The following GRIN2B variants were observed in gnomAD, a reference collection of about 807,000 sequenced individuals.
GRIN2B encodes the protein glutamate receptor ionotropic, NMDA 2B.
Under a neutral mutation model 114.5 loss-of-function variants are expected in GRIN2B, and 5 were observed. The observed-to-expected ratio is 0.04, with a 90% CI of 0.02 to 0.09. GRIN2B has a LOEUF of 0.09. Among genes scored for constraint, GRIN2B ranks in the 10% least tolerant of loss-of-function variants. The pLI, the probability that GRIN2B is intolerant of heterozygous loss-of-function variation, is 1.00. For synonymous variants in GRIN2B, 787 were observed against 745.1 expected, an observed-to-expected ratio of 1.06 and a Z score of -0.92; for missense variants, 1,108 against 1,943.5, an observed-to-expected ratio of 0.57 and a Z score of 8.08.
At chr12:13,869,985 G>A (rs551493405) in intron 2 of GRIN2B, among the ~76,000 whole-genome samples, 33 of 152,280 alleles carry the variant, frequency 2.2e-4, no homozygotes, top group African/African-American at 7.5e-4. Context: ...AGATCCAAAG[G>A]ATATTACGTT....
intron 4 of GRIN2B, among the ~76,000 whole-genome samples, chr12:13,699,745 C>T (rs1033182718): frequency 2.0e-5 from 3 of 152,004 alleles, no homozygotes; most frequent in Admixed American, 6.5e-5. Flanking sequence ...TCTGCCACCA[C>T]ACCCAGCTAA....
At chr12:13,950,190 G>A (rs149723273) in intron 2 of GRIN2B, among the ~76,000 whole-genome samples, 1 of 152,276 alleles carries the variant, frequency 6.6e-6, no homozygotes, top group Non-Finnish European at 1.5e-5. Flanking sequence ...TCAAAATAGG[G>A]GACCACACAC....
Position 13,658,123 on chromosome 12 carries a change from C to T in GRIN2B, c.1125+17622G>A, listed in dbSNP as rs1305979703. Among the ~76,000 whole-genome samples the T allele has an allele frequency of 3.3e-5, 5 of 151,878 alleles. No homozygotes were observed. The East Asian group carries it at 9.7e-4, about 29-fold the overall frequency. On this transcript the variant is annotated intron_variant, in intron 5 of 13. Transcript: ENST00000609686. Reference sequence around the variant, plus strand: ...TCGGGAGGCTGAGGCAGGAGAATCACTTGAACCCGGGAGGCTGAGGTTGCG... The same window carrying T: ...TCGGGAGGCTGAGGCAGGAGAATCATTTGAACCCGGGAGGCTGAGGTTGCG...
Position 13,825,494 on chromosome 12 carries a change from T to TA in GRIN2B, c.411+40303_411+40304insT, listed in dbSNP as rs71448874. Among the ~76,000 whole-genome samples, 60 of 44,822 alleles carry TA rather than the reference T, an allele frequency of 1.3e-3. 1 individual carries two copies. The highest frequency in any genetic ancestry group is 3.6e-3 in the African/African-American group (53 of 14,866). 29.4% of individuals were successfully genotyped at this position (44,822 alleles called of 152,430 possible). A position where few individuals can be genotyped will look rare whatever the true frequency, so the allele number is the denominator to read the frequency against. ...TATATATATAATAAATATATATATA[T>TA]TTTGTGTGTGTGTGTGTGTGTGTGT... On this transcript the variant is annotated intron_variant, in intron 3 of 13. Coordinates refer to ENST00000609686, the MANE Select transcript of GRIN2B (RefSeq NM_000834.5).
intron 3 of GRIN2B, among the ~76,000 whole-genome samples, chr12:13,811,227 G>A (rs1278889886): frequency 6.6e-6 from 1 of 152,220 alleles, no homozygotes; most frequent in Non-Finnish European, 1.5e-5. Flanking sequence ...TCTGGTAAGG[G>A]TCAGGTGTTA....
At chr12:13,876,855 T>C (rs1414625847) in intron 2 of GRIN2B, among the ~76,000 whole-genome samples, 1 of 152,198 alleles carries the variant, frequency 6.6e-6, no homozygotes. Context: ...GCATGTGGCA[T>C]AATGGTAGGT....
intron 2 of GRIN2B, among the ~76,000 whole-genome samples, chr12:13,956,607 T>C (rs1214950536): frequency 2.0e-5 from 3 of 152,174 alleles, no homozygotes; most frequent in Non-Finnish European, 4.4e-5. Flanking sequence ...GGGTGCCCTG[T>C]GTGGGCTCAC....
intron 2 of GRIN2B, among the ~76,000 whole-genome samples, chr12:13,978,019 A>T (rs952381963): frequency 1.3e-5 from 2 of 152,096 alleles, no homozygotes; most frequent in African/African-American, 2.4e-5. Flanking sequence ...GGTAGCTGAG[A>T]TCCTGTCAAA....
chr12:13,974,236 T>C (rs554144503), intron 2 of GRIN2B, among the ~76,000 whole-genome samples: 1 of 152,212 alleles, frequency 6.6e-6, no homozygotes, highest in Non-Finnish European at 1.5e-5. Flanking sequence ...TGTCCCTTTC[T>C]TTGTAATGGC....
intron 3 of GRIN2B, among the ~76,000 whole-genome samples, chr12:13,831,199 G>A (rs1865138880): frequency 6.6e-6 from 1 of 152,182 alleles, no homozygotes; most frequent in Admixed American, 6.5e-5. Flanking sequence ...AGCAAATGAT[G>A]GCGCCATGCT....
chr12:13,832,615 T>G (rs1865171303), intron 3 of GRIN2B, among the ~76,000 whole-genome samples: 1 of 152,222 alleles, frequency 6.6e-6, no homozygotes, highest in African/African-American at 2.4e-5. Flanking sequence ...AGAAATGACA[T>G]TTTCCTATTT....
intron 3 of GRIN2B, among the ~76,000 whole-genome samples, chr12:13,794,038 C>CAAAAAAAA (rs59335663): frequency 4.6e-3 from 362 of 78,972 alleles, no homozygotes; most frequent in Non-Finnish European, 5.8e-3. Context: ...CCCATCTCTA[C>CAAAAAAAA]AAAAAAAAAA....
intron 5 of GRIN2B, among the ~76,000 whole-genome samples, chr12:13,642,241 A>G (rs906057787): frequency 1.1e-4 from 17 of 151,416 alleles, no homozygotes; most frequent in Non-Finnish European, 2.2e-4. Context: ...AACTAAACTA[A>G]ACTAAAATGT....
chr12:13,643,806 C>T (rs1473543405), intron 5 of GRIN2B, among the ~76,000 whole-genome samples: 1 of 152,114 alleles, frequency 6.6e-6, no homozygotes, highest in Non-Finnish European at 1.5e-5. Flanking sequence ...CAAGAAAACA[C>T]TTTCTTTGCT....
At chr12:13,647,201 GT>G (rs1949769383) in intron 5 of GRIN2B, among the ~76,000 whole-genome samples, 3 of 152,092 alleles carry the variant, frequency 2.0e-5, no homozygotes, top group Admixed American at 2.0e-4. Flanking sequence ...AGTATGTGCT[GT>G]TTAAGCCACT....
intron 5 of GRIN2B, among the ~76,000 whole-genome samples, chr12:13,665,352 A>G (rs771189890): frequency 6.6e-6 from 1 of 152,036 alleles, no homozygotes; most frequent in South Asian, 2.1e-4. Flanking sequence ...ACCAGCCTCC[A>G]CACCTCCAGC....
At chr12:13,885,304 C>CA (rs1241947688) in intron 2 of GRIN2B, among the ~76,000 whole-genome samples, 2 of 151,992 alleles carry the variant, frequency 1.3e-5, no homozygotes, top group Non-Finnish European at 2.9e-5. Context: ...TATTAAACCA[C>CA]AAAAAAGAGC....
intron 4 of GRIN2B, among the ~76,000 whole-genome samples, chr12:13,745,289 T>C (rs1176351184): frequency 6.6e-6 from 1 of 152,134 alleles, no homozygotes; most frequent in Non-Finnish European, 1.5e-5. Flanking sequence ...AGGCAGCCTT[T>C]ATCCTCTGGT....
intron 2 of GRIN2B, among the ~76,000 whole-genome samples, chr12:13,948,540 C>T (rs1867410237): frequency 6.6e-6 from 1 of 152,012 alleles, no homozygotes; most frequent in Admixed American, 6.6e-5. Context: ...TGCTCTGATG[C>T]CAAAGATTTC....
Sources: gnomAD v4.1 joint callset for allele counts (sites outside exome capture counted in the v4.1 genomes callset) on GRCh38, gnomAD v4.1.1 for gene constraint, MANE v1.5 for transcripts, NCBI Gene and HGNC (gene_info 2026-07-23, HGNC 2026-07-21) for gene names.